Variants in CUL3 observed in about 807,000 individuals in gnomAD.
The protein encoded by CUL3 is cullin-3.
Under a neutral mutation model 89.1 loss-of-function variants are expected in CUL3, and 19 were observed. That is an observed-to-expected ratio of 0.21 (90% confidence interval 0.15 to 0.31). CUL3 has a LOEUF of 0.31. Among genes scored for constraint, CUL3 ranks in the 10% least tolerant of loss-of-function variants. CUL3 has a pLI of 1.00. For synonymous variants in CUL3, 351 were observed against 308.4 expected (o/e 1.14, Z -1.45); for missense variants, 469 against 942.3 (o/e 0.50, Z 6.58).
chr2:224,477,784 A>C (rs1379786624), intron 15 of CUL3, among the ~76,000 whole-genome samples: 1 of 152,152 alleles, frequency 6.6e-6, no homozygotes, highest in East Asian at 1.9e-4. Flanking sequence ...CCAATACTTT[A>C]CCCAGGTCCT....
At chr2:224,540,302 C>G (rs1024012046) in intron 2 of CUL3, among the ~76,000 whole-genome samples, 1 of 151,990 alleles carries the variant, frequency 6.6e-6, no homozygotes, top group Admixed American at 6.6e-5. Context: ...AAGTGATCCA[C>G]TCGCCTCGGC....
intron 3 of CUL3, among the ~76,000 whole-genome samples, chr2:224,522,619 A>C (rs995635890): frequency 1.3e-5 from 2 of 152,144 alleles, no homozygotes; most frequent in Non-Finnish European, 2.9e-5. Flanking sequence ...TGAGGTCAGG[A>C]GATCGAGACC....
chr2:224,523,387 TAAAA>T (rs35075378), intron 3 of CUL3, among the ~76,000 whole-genome samples: 1 of 144,834 alleles, frequency 6.9e-6, no homozygotes, highest in African/African-American at 2.6e-5. Context: ...AGAGTTACTA[TAAAA>T]AAAAAAAACA....
intron 2 of CUL3, among the ~76,000 whole-genome samples, chr2:224,550,547 A>T (rs952358743): frequency 2.0e-5 from 3 of 152,196 alleles, no homozygotes; most frequent in African/African-American, 7.2e-5. Flanking sequence ...CAGGTATCTT[A>T]AAACTAACCT....
intron 1 of CUL3, chr2:224,560,370 G>A (rs1443146104): frequency 6.6e-6 from 1 of 151,976 alleles, no homozygotes; most frequent in African/African-American, 2.4e-5. Flanking sequence ...CTCTGTACAT[G>A]CCAGAGTCAT....
At chr2:224,533,649 T>C (rs945844530) in intron 3 of CUL3, among the ~76,000 whole-genome samples, 2 of 152,218 alleles carry the variant, frequency 1.3e-5, no homozygotes, top group African/African-American at 2.4e-5. Flanking sequence ...AGACTCACCA[T>C]ATCTAGAACT....
At chr2:224,525,043 T>A (rs1693419371) in intron 3 of CUL3, among the ~76,000 whole-genome samples, 1 of 147,336 alleles carries the variant, frequency 6.8e-6, no homozygotes. Context: ...AGGAAAGTAA[T>A]AAAGAACAGA....
intron 13 of CUL3, among the ~76,000 whole-genome samples, chr2:224,491,122 G>C (rs2140508): frequency 6.6e-6 from 1 of 152,048 alleles, no homozygotes; most frequent in African/African-American, 2.4e-5. Context: ...TGCATTTTCT[G>C]GTCCAGATGA....
intron 1 of CUL3, chr2:224,562,580 G>GT (rs1350551143): frequency 6.7e-6 from 1 of 148,990 alleles, no homozygotes; most frequent in East Asian, 2.0e-4. Context: ...AGAGGCTGAA[G>GT]TAAGGCGAGA....
chr2:224,563,083 G>A (rs1694953008), intron 1 of CUL3: 2 of 373,336 alleles, frequency 5.4e-6, no homozygotes, highest in South Asian at 4.2e-5. Flanking sequence ...AACGCTCATC[G>A]ACAGTCATCA....
intron 2 of CUL3, among the ~76,000 whole-genome samples, chr2:224,536,620 A>T (rs1030842007): frequency 6.6e-6 from 1 of 152,166 alleles, no homozygotes; most frequent in Admixed American, 6.5e-5. Context: ...CACCTCCAAC[A>T]TAAGCACTTT....
At chr2:224,546,405 T>C (rs1310826792) in intron 2 of CUL3, among the ~76,000 whole-genome samples, 3 of 152,024 alleles carry the variant, frequency 2.0e-5, no homozygotes, top group African/African-American at 7.2e-5. Flanking sequence ...TTTTAAATGG[T>C]TGTCAGATTT....
Position 224,516,463 on chromosome 2 carries a change from C to T in CUL3, c.379-1691G>A, listed in dbSNP as rs1053953954. Among the ~76,000 whole-genome samples, 3 of 151,694 alleles carry T rather than the reference C, an allele frequency of 2.0e-5. No homozygotes were observed. The South Asian group carries it at 6.3e-4, about 32-fold the overall frequency. On this transcript the variant is annotated intron_variant, in intron 3 of 15. Transcript: ENST00000264414. Reference sequence around the variant, plus strand: ...TCGTGAGTACCTGGGACTACAGGCGCCTGCCACCACACCCAGCTAATTTTT... The same window carrying T: ...TCGTGAGTACCTGGGACTACAGGCGTCTGCCACCACACCCAGCTAATTTTT...
At chr2:224,552,187 A>G (rs764387614) in intron 2 of CUL3, among the ~76,000 whole-genome samples, 15 of 152,242 alleles carry the variant, frequency 9.9e-5, no homozygotes, top group Middle Eastern at 3.4e-3. Flanking sequence ...ACGTCTTTAA[A>G]TCTGAAAAGC....
intron 3 of CUL3, among the ~76,000 whole-genome samples, chr2:224,516,318 C>CTTTT (rs68130414): frequency 7.5e-6 from 1 of 133,444 alleles, no homozygotes; most frequent in Non-Finnish European, 1.6e-5. Context: ...TTTTTGTTTG[C>CTTTT]TTTTTTTTTT....
intron 3 of CUL3, among the ~76,000 whole-genome samples, chr2:224,529,335 C>T (rs193111453): frequency 4.0e-5 from 6 of 151,866 alleles, no homozygotes; most frequent in East Asian, 3.9e-4. Flanking sequence ...AAGAATGAAT[C>T]GGCTGGGTGT....
At chr2:224,571,099 G>C (rs1695170729) in intron 1 of CUL3, among the ~76,000 whole-genome samples, 1 of 152,244 alleles carries the variant, frequency 6.6e-6, no homozygotes, top group South Asian at 2.1e-4. Context: ...GAGGTAAAAA[G>C]CTTGTCACTG....
intron 3 of CUL3, among the ~76,000 whole-genome samples, chr2:224,526,833 A>G (rs372824606): frequency 7.5e-4 from 114 of 151,778 alleles, no homozygotes; most frequent in Middle Eastern, 3.4e-3. Context: ...AAAAAAAAAA[A>G]GTTTACTGTT....
At chr2:224,565,980 T>C (rs2106316281) in intron 1 of CUL3, among the ~76,000 whole-genome samples, 1 of 152,334 alleles carries the variant, frequency 6.6e-6, no homozygotes, top group South Asian at 2.1e-4. Flanking sequence ...ATGTTCCCTC[T>C]ATTGAGGTTC....
Sources: allele counts gnomAD v4.1 joint callset (sites outside exome capture counted in the v4.1 genomes callset), GRCh38; gene constraint gnomAD v4.1.1; transcripts MANE v1.5; gene names NCBI Gene and HGNC (gene_info 2026-07-23, HGNC 2026-07-21).